MRPL3: variants seen among roughly 807,000 people sequenced by gnomAD.
MRPL3 encodes the protein mitochondrial ribosomal protein L3.
MRPL3 carries 43 observed loss-of-function variants against 44.3 expected under a neutral mutation model. That is an observed-to-expected ratio of 0.97 (90% CI 0.76 to 1.25). The LOEUF is 1.25. MRPL3 is among the 50% of genes most tolerant of loss of function. The probability of loss-of-function intolerance (pLI) is 0.00; values close to 1 mark genes in which losing one functional copy is unlikely to be tolerated. For missense variants in MRPL3, 406 were observed against 427.6 expected (o/e 0.95, Z 0.45); for synonymous variants, 171 against 152.3 (o/e 1.12, Z -0.91).
At chr3:131,488,549 CAAGAATAT>C (rs1195751441) in intron 5 of MRPL3, 1 of 151,822 alleles carries the variant, frequency 6.6e-6, no homozygotes, top group African/African-American at 2.4e-5. Flanking sequence ...GCTAGAAATT[CAAGAATAT>C]AAGAATATAA....
intron 6 of MRPL3, among the ~76,000 whole-genome samples, chr3:131,474,574 G>C (rs1200899965): frequency 1.3e-5 from 2 of 152,086 alleles, no homozygotes; most frequent in Admixed American, 1.3e-4. Flanking sequence ...ATAAATGCAT[G>C]AAGTAACAGG....
At chr3:131,493,594 A>C (rs1934303963) in intron 4 of MRPL3, among the ~76,000 whole-genome samples, 1 of 152,204 alleles carries the variant, frequency 6.6e-6, no homozygotes, top group African/African-American at 2.4e-5. Context: ...CAGAAGATAA[A>C]GGACAGGCAA....
chr3:131,483,875 C>G lies in MRPL3; in HGVS notation c.629+3805G>C, dbSNP rs181447929. 5.3e-5 allele frequency among the ~76,000 whole-genome samples: 8 copies of G among 152,084 alleles called. No homozygotes were observed. In the East Asian group the frequency reaches 1.5e-3, roughly 29 times the overall value. Reference sequence around the variant, plus strand: ...TCAGCAATTAAAGTTGAAGGTATAACATTGAAACATTGAAATCTAGTACTA... The same window carrying G: ...TCAGCAATTAAAGTTGAAGGTATAAGATTGAAACATTGAAATCTAGTACTA... On this transcript the variant is annotated intron_variant, in intron 6 of 9. Coordinates refer to ENST00000264995, the MANE Select transcript of MRPL3 (RefSeq NM_007208.4).
chr3:131,495,747 C>CT (rs1365988491), intron 4 of MRPL3, among the ~76,000 whole-genome samples: 1 of 152,106 alleles, frequency 6.6e-6, no homozygotes, highest in Non-Finnish European at 1.5e-5. Context: ...TATAACACAT[C>CT]TTTATCACTA....
At chr3:131,489,503 A>C (rs968914847) in intron 5 of MRPL3, among the ~76,000 whole-genome samples, 1 of 152,146 alleles carries the variant, frequency 6.6e-6, no homozygotes, top group Non-Finnish European at 1.5e-5. Context: ...CATATGAGCC[A>C]ATATAATCAT....
In MRPL3 at chr3:131,500,523, T is replaced by C. The variant is rs755586928; in HGVS notation, c.278-2A>G. 1.9e-6 allele frequency: 3 copies of C among 1,612,930 alleles called. No individual in the cohort carries two copies. The highest frequency in any genetic ancestry group is 3.3e-5 in the Admixed American group (2 of 59,980). On this transcript the variant is annotated splice_acceptor_variant, in intron 2 of 9. Coordinates refer to ENST00000264995, the MANE Select transcript of MRPL3 (RefSeq NM_007208.4). LOFTEE classifies it high-confidence loss of function. ...CAATAAGACCAACTCTAAAGGAACC[T>C]GGCAATTAAAACCAAAGCAATGTGA...
rs1933911937 is a variant in MRPL3 at position 131,478,757 on chromosome 3, G to A, written c.630-7478C>T. On this transcript the variant is annotated intron_variant, in intron 6 of 9. Transcript: ENST00000264995. ...AGACTCTCGCTCTGTTTACCAGGCTGGAGTATAGCGGTGTGATCTTGGCTT... is the reference window on the plus strand; with the variant it reads ...AGACTCTCGCTCTGTTTACCAGGCTAGAGTATAGCGGTGTGATCTTGGCTT... 2.1e-5 allele frequency among the ~76,000 whole-genome samples: 3 copies of A among 145,102 alleles called. No individual in the cohort carries two copies. In the South Asian group the frequency reaches 6.5e-4, roughly 31 times the overall value.
intron 9 of MRPL3, among the ~76,000 whole-genome samples, chr3:131,463,771 A>C (rs1933542263): frequency 6.6e-6 from 1 of 152,166 alleles, no homozygotes; most frequent in Non-Finnish European, 1.5e-5. Flanking sequence ...GTGATCTAAA[A>C]TGTTGAGTTT....
intron 6 of MRPL3, among the ~76,000 whole-genome samples, chr3:131,474,947 T>G (rs1212768952): frequency 3.3e-5 from 5 of 151,868 alleles, no homozygotes; most frequent in Non-Finnish European, 7.4e-5. Context: ...CTCAGCTAAT[T>G]TTTAATTTTT....
chr3:131,493,264 A>G (rs75535320), intron 4 of MRPL3, among the ~76,000 whole-genome samples: 177 of 152,332 alleles, frequency 1.2e-3, no homozygotes, highest in African/African-American at 4.2e-3. Context: ...TTCTGGTGAA[A>G]GAGGCACTCT....
At chr3:131,492,785 G>A (rs1008289829) in intron 4 of MRPL3, among the ~76,000 whole-genome samples, 2 of 152,136 alleles carry the variant, frequency 1.3e-5, no homozygotes, top group Non-Finnish European at 2.9e-5. Context: ...TTTAGTTGCT[G>A]CTATATCCCC....
intron 6 of MRPL3, among the ~76,000 whole-genome samples, chr3:131,476,257 A>C (rs1039359047): frequency 6.6e-6 from 1 of 152,224 alleles, no homozygotes; most frequent in African/African-American, 2.4e-5. Flanking sequence ...ACAAAAGAAC[A>C]AAACACAAAT....
intron 4 of MRPL3, among the ~76,000 whole-genome samples, chr3:131,493,003 T>G (rs981178569): frequency 2.6e-5 from 4 of 152,216 alleles, no homozygotes; most frequent in Admixed American, 6.5e-5. Flanking sequence ...TTTTATTTCC[T>G]GATGTGAAGA....
At chr3:131,465,367 T>C (rs1297610223) in intron 9 of MRPL3, among the ~76,000 whole-genome samples, 1 of 152,214 alleles carries the variant, frequency 6.6e-6, no homozygotes, top group Non-Finnish European at 1.5e-5. Context: ...TTATCAACTA[T>C]TTATACAACT....
intron 9 of MRPL3, among the ~76,000 whole-genome samples, chr3:131,467,608 C>G (rs1933640925): frequency 6.6e-6 from 1 of 152,110 alleles, no homozygotes; most frequent in Admixed American, 6.6e-5. Flanking sequence ...CCTTCCCTCT[C>G]TTCCTCCTGC....
intron 1 of MRPL3, chr3:131,502,069 T>C: frequency 3.1e-6 from 2 of 652,868 alleles, no homozygotes; most frequent in South Asian, 3.9e-5. Context: ...AGGTGGCATG[T>C]TGATCTTTGT....
intron 9 of MRPL3, among the ~76,000 whole-genome samples, chr3:131,466,638 G>T (rs1158171377): frequency 7.5e-6 from 1 of 133,160 alleles, no homozygotes. Flanking sequence ...TTTACCTCAT[G>T]TATTTCTGGT....
At chr3:131,466,657 G>T (rs1933607604) in intron 9 of MRPL3, among the ~76,000 whole-genome samples, 2 of 131,350 alleles carry the variant, frequency 1.5e-5, no homozygotes, top group South Asian at 2.8e-4. Flanking sequence ...GTTTGTCAAA[G>T]TAACTCTTTT....
chr3:131,474,363 A>T (rs1933806886), intron 6 of MRPL3, among the ~76,000 whole-genome samples: 1 of 152,190 alleles, frequency 6.6e-6, no homozygotes, highest in African/African-American at 2.4e-5. Flanking sequence ...AGAAGTAGAG[A>T]GTGCAACAGT....
Sources: gnomAD v4.1 joint callset for allele counts (sites outside exome capture counted in the v4.1 genomes callset) on GRCh38, gnomAD v4.1.1 for gene constraint, MANE v1.5 for transcripts, NCBI Gene and HGNC (gene_info 2026-07-23, HGNC 2026-07-21) for gene names.